Variants in PDCD6IP observed in about 807,000 individuals in gnomAD.
PDCD6IP encodes the protein programmed cell death 6 interacting protein.
In PDCD6IP, 43 loss-of-function variants were observed where a neutral mutation model predicts 103.7. The observed-to-expected ratio is 0.41, with a 90% CI of 0.32 to 0.53. PDCD6IP has a LOEUF of 0.53. Ranked by LOEUF, PDCD6IP falls within the 20% of genes least tolerant of loss-of-function variation. The pLI is 0.16. For missense variants in PDCD6IP, 871 were observed against 1,036.7 expected (o/e 0.84, Z 2.20); for synonymous variants, 354 against 378.7 (o/e 0.93, Z 0.76).
intron 2 of PDCD6IP, among the ~76,000 whole-genome samples, chr3:33,813,081 T>G (rs1207567678): frequency 6.6e-6 from 1 of 152,196 alleles, no homozygotes; most frequent in African/African-American, 2.4e-5. Flanking sequence ...CGGGTATAGC[T>G]TGAATCTTAC....
chr3:33,864,680 A>G (rs1462891779), intron 16 of PDCD6IP, among the ~76,000 whole-genome samples: 1 of 152,168 alleles, frequency 6.6e-6, no homozygotes, highest in African/African-American at 2.4e-5. Flanking sequence ...AAGGATGAAA[A>G]TGGTATTGTG....
At chr3:33,805,253 G>C (rs376901697) in intron 1 of PDCD6IP, among the ~76,000 whole-genome samples, 2 of 151,754 alleles carry the variant, frequency 1.3e-5, no homozygotes, top group African/African-American at 4.8e-5. Flanking sequence ...CTGCTCGGGA[G>C]GCTGAGGCAG....
At chr3:33,822,908 C>T (rs955422453) in intron 4 of PDCD6IP, among the ~76,000 whole-genome samples, 37 of 152,236 alleles carry the variant, frequency 2.4e-4, no homozygotes, top group African/African-American at 7.2e-4. Flanking sequence ...CCACCCACCT[C>T]GGCCTCCCAA....
At chr3:33,805,800 A>G (rs1365753085) in intron 1 of PDCD6IP, among the ~76,000 whole-genome samples, 1 of 151,310 alleles carries the variant, frequency 6.6e-6, no homozygotes, top group Non-Finnish European at 1.5e-5. Context: ...GCTAGAGTGC[A>G]GTGGCGCGAT....
At chr3:33,835,399 G>A in intron 7 of PDCD6IP, 1 of 436,662 alleles carries the variant, frequency 2.3e-6, no homozygotes, top group East Asian at 7.1e-5. Flanking sequence ...AGTTTTAATT[G>A]CTAATTCTTT....
intron 9 of PDCD6IP, among the ~76,000 whole-genome samples, chr3:33,840,690 GA>G (rs35193416): frequency 0.18 from 27,860 of 152,052 alleles, 2,934 homozygotes; most frequent in East Asian, 0.39. Flanking sequence ...TCATGTAACT[GA>G]AATAACTGAG....
intron 1 of PDCD6IP, among the ~76,000 whole-genome samples, chr3:33,809,052 A>G (rs966596723): frequency 2.6e-5 from 4 of 152,144 alleles, no homozygotes; most frequent in Admixed American, 1.3e-4. Context: ...TTTAGAGTTA[A>G]AACTTTTTTT....
intron 3 of PDCD6IP, among the ~76,000 whole-genome samples, chr3:33,816,783 A>G (rs552958505): frequency 6.6e-6 from 1 of 152,298 alleles, no homozygotes; most frequent in East Asian, 1.9e-4. Context: ...AGGGAGCATC[A>G]TTCTGAGAGG....
At chr3:33,841,501 C>G (rs1203925783) in intron 9 of PDCD6IP, among the ~76,000 whole-genome samples, 1 of 131,316 alleles carries the variant, frequency 7.6e-6, no homozygotes, top group South Asian at 2.4e-4. Flanking sequence ...TGCGGTGGCG[C>G]GATCTCGGCT....
chr3:33,813,485 C>A, intron 2 of PDCD6IP, 74 bp from the exon 3 acceptor site: 1 of 902,400 alleles, frequency 1.1e-6, no homozygotes, highest in Non-Finnish European at 1.7e-6. Context: ...GTGGATTTTT[C>A]TTCAAAGAAG....
At chr3:33,819,659 G>A (rs1225820129) in intron 3 of PDCD6IP, among the ~76,000 whole-genome samples, 1 of 152,138 alleles carries the variant, frequency 6.6e-6, no homozygotes. Flanking sequence ...ACAACTCTGT[G>A]GCACAAACAT....
At chr3:33,835,295 C>T in intron 7 of PDCD6IP, 1 of 456,670 alleles carries the variant, frequency 2.2e-6, no homozygotes, top group Non-Finnish European at 4.4e-6. Flanking sequence ...GAGGTTCCTG[C>T]CTTCATGTGA....
rs542180425 is a variant in PDCD6IP, at chr3:33,811,897, T to G, written c.210-175T>G. On this transcript the variant is annotated intron_variant, in intron 1 of 17. Coordinates refer to ENST00000307296, the MANE Select transcript of PDCD6IP (RefSeq NM_013374.6). The stretch of plus-strand genomic sequence containing the variant: ...GGGTATGACTTTTTGTTCATAGTTT[T>G]TCACTGCATATATTTTTTAAGCTTC... 3.3e-5 allele frequency among the ~76,000 whole-genome samples: 5 copies of G among 152,368 alleles called. No individual in the cohort carries two copies. In the South Asian group the frequency reaches 6.2e-4, roughly 19 times the overall value.
chr3:33,860,315 T>A (rs750429668), intron 15 of PDCD6IP, among the ~76,000 whole-genome samples: 5 of 152,244 alleles, frequency 3.3e-5, no homozygotes, highest in Admixed American at 1.3e-4. Flanking sequence ...TATAATAATA[T>A]TAGCTTTTGA....
chr3:33,838,328 G>A lies in PDCD6IP; in HGVS notation c.1181+1G>A. On this transcript the variant is annotated splice_donor_variant, in intron 9 of 17. Transcript: ENST00000307296. LOFTEE classifies it high-confidence loss of function. ...GAGAAGCCACCACTTTGGCAAATGG[G>A]TAGGTAGAGCTTAATTTTAGAGCCT... 6.2e-7 allele frequency: 1 copy of A among 1,608,940 alleles called. No individual in the cohort carries two copies. Among genetic ancestry groups the A allele is most frequent in the Non-Finnish European group, 8.5e-7 (1 of 1,176,738 alleles).
chr3:33,799,007 C>A, intron 1 of PDCD6IP, 70 bp downstream of exon 1: 2 of 1,347,298 alleles, frequency 1.5e-6, no homozygotes, highest in Admixed American at 2.3e-5. Flanking sequence ...CCCGTCTCCC[C>A]CCTTCCTTCA....
chr3:33,854,197 A>G (rs977476667), intron 14 of PDCD6IP, among the ~76,000 whole-genome samples, 184 bp downstream of exon 14: 1 of 152,236 alleles, frequency 6.6e-6, no homozygotes, highest in African/African-American at 2.4e-5. Context: ...GCAACATTTC[A>G]TGGGAACTTT....
rs765785345 is a variant in PDCD6IP, at chr3:33,838,290, A to C, written c.1144A>C (p.Ile382Leu). Reference sequence around the variant, plus strand: ...GAAAGCCGATTTGGTTAACAGATCAATTGCTCAGATGAGAGAAGCCACCAC... The same window carrying C: ...GAAAGCCGATTTGGTTAACAGATCACTTGCTCAGATGAGAGAAGCCACCAC... ...QRKADLVNRS[I>L]AQMREATTLA... The change falls in exon 9 of 18, where the codon ATT becomes CTT. Residue 382 changes from isoleucine (I) to leucine (L), a missense_variant. By Grantham distance (5) the Ile-to-Leu change is conservative (BLOSUM62 2). This residue lies in a region of PDCD6IP where 266 missense variants were observed against 390.5 expected (regional missense o/e 0.68). Transcript: ENST00000307296. The C allele has an allele frequency of 9.9e-6, 16 of 1,613,378 alleles. No individual in the cohort carries two copies. In the South Asian group the frequency reaches 1.8e-4, roughly 18 times the overall value.
chr3:33,865,741 C>T (rs529825136), intron 17 of PDCD6IP, among the ~76,000 whole-genome samples: 3 of 152,176 alleles, frequency 2.0e-5, no homozygotes, highest in Non-Finnish European at 2.9e-5. Context: ...CTTTTCTGAG[C>T]GTAGCATAGC....
Sources: allele counts gnomAD v4.1 joint callset (sites outside exome capture counted in the v4.1 genomes callset), GRCh38; gene constraint gnomAD v4.1.1; regional missense constraint gnomAD v4.1.1; transcripts MANE v1.5; gene names NCBI Gene and HGNC (gene_info 2026-07-23, HGNC 2026-07-21).